CDC42SE2: variants seen among roughly 807,000 people sequenced by gnomAD.
CDC42SE2 encodes CDC42 small effector 2.
In CDC42SE2, 3 loss-of-function variants were observed where a neutral mutation model predicts 11.5. That is an observed-to-expected ratio of 0.26 (90% CI 0.12 to 0.67). CDC42SE2 has a LOEUF of 0.67. Ranked by LOEUF, CDC42SE2 falls within the 30% of genes least tolerant of loss-of-function variation. The pLI, the probability that CDC42SE2 is intolerant of heterozygous loss-of-function variation, is 0.80. For missense variants in CDC42SE2, 82 were observed against 106.8 expected, an observed-to-expected ratio of 0.77 and a Z score of 1.02; for synonymous variants, 33 against 34.8, an observed-to-expected ratio of 0.95 and a Z score of 0.18.
intron 2 of CDC42SE2, among the ~76,000 whole-genome samples, chr5:131,329,881 A>AAAAAAAAAC (rs1758381888): frequency 3.1e-5 from 1 of 32,210 alleles, no homozygotes; most frequent in Non-Finnish European, 4.3e-5. Context: ...CTCCATCTCA[A>AAAAAAAAAC]AAAAAAAAAA....
At chr5:131,291,765 C>G (rs539666070) in intron 1 of CDC42SE2, among the ~76,000 whole-genome samples, 1 of 152,216 alleles carries the variant, frequency 6.6e-6, no homozygotes, top group East Asian at 1.9e-4. Context: ...TTCAAAAATA[C>G]TGATATAACA....
At chr5:131,272,832 C>G (rs1317188858) in intron 1 of CDC42SE2, among the ~76,000 whole-genome samples, 1 of 152,128 alleles carries the variant, frequency 6.6e-6, no homozygotes, top group Non-Finnish European at 1.5e-5. Context: ...CATAACAGCT[C>G]TTTTTGAGAT....
upstream of CDC42SE2, among the ~76,000 whole-genome samples, chr5:131,242,067 A>G (rs1756544871): frequency 6.6e-6 from 1 of 152,204 alleles, no homozygotes; most frequent in African/African-American, 2.4e-5. Context: ...AAAGCCTGGT[A>G]TCTTATCAGA....
chr5:131,281,525 C>T (rs1051343232), intron 1 of CDC42SE2, among the ~76,000 whole-genome samples: 1 of 152,192 alleles, frequency 6.6e-6, no homozygotes, highest in East Asian at 1.9e-4. Context: ...TTATTCCATA[C>T]ATTTTGCTGT....
At chr5:131,278,724 CCCCCCT>C (rs1467775720) in intron 1 of CDC42SE2, among the ~76,000 whole-genome samples, 34 of 9,176 alleles carry the variant, frequency 3.7e-3, no homozygotes, top group Non-Finnish European at 5.5e-3. Context: ...CCCCTCCCCT[CCCCCCT>C]CCCCTCCCCT....
At chr5:131,232,202 T>A in the CDC42SE2 span, among the ~76,000 whole-genome samples, 1 of 151,782 alleles carries the variant, frequency 6.6e-6, no homozygotes, top group African/African-American at 2.4e-5. Context: ...CAGCCTTGAC[T>A]TCCCGAACTC....
chr5:131,350,197 T>A (rs1467324776), intron 2 of CDC42SE2, among the ~76,000 whole-genome samples: 1 of 152,074 alleles, frequency 6.6e-6, no homozygotes, highest in Non-Finnish European at 1.5e-5. Flanking sequence ...TTTAAACATT[T>A]CAACAAGAAA....
intron 1 of CDC42SE2, among the ~76,000 whole-genome samples, chr5:131,291,227 G>T (rs1043426662): frequency 7.9e-5 from 12 of 151,988 alleles, no homozygotes; most frequent in African/African-American, 2.9e-4. Context: ...ATGAATTTAT[G>T]TATATGATTT....
At chr5:131,278,882 T>A (rs1046051028) in intron 1 of CDC42SE2, among the ~76,000 whole-genome samples, 1 of 143,174 alleles carries the variant, frequency 7.0e-6, no homozygotes, top group Non-Finnish European at 1.5e-5. Context: ...CCTCCTAGGT[T>A]CAAGTGATTC....
rs376009858 is a variant in CDC42SE2, at chr5:131,394,358, C to T, written c.*3267C>T. On this transcript the variant is annotated 3_prime_UTR_variant, in exon 5 of 5. Transcript: ENST00000505065. ...AGTAAGCGTAGAGCGGAAATGTTGA[C>T]TTTAGTTAACATTGGGTTTAGCATT... is the stretch of plus-strand genomic sequence containing the variant. 3.4e-4 allele frequency: 52 copies of T among 152,424 alleles called. 1 individual carries two copies. Among genetic ancestry groups the T allele is most frequent in the East Asian group, 3.4e-3 (18 of 5,326 alleles). 9.4% of individuals were successfully genotyped at this position (152,424 alleles called of 1,614,324 possible). A position where few individuals can be genotyped will look rare whatever the true frequency, so the allele number is the denominator to read the frequency against.
intron 1 of CDC42SE2, among the ~76,000 whole-genome samples, chr5:131,303,675 G>A (rs553453920): frequency 1.3e-5 from 2 of 152,268 alleles, no homozygotes; most frequent in South Asian, 2.1e-4. Flanking sequence ...CCCTAAGGCA[G>A]GACATTCCAC....
chr5:131,282,211 A>G (rs1440481578), intron 1 of CDC42SE2, among the ~76,000 whole-genome samples: 2 of 152,236 alleles, frequency 1.3e-5, no homozygotes, highest in East Asian at 3.8e-4. Context: ...CAAAATTGTA[A>G]GAAAGTCCAT....
At chr5:131,297,101 G>A (rs1050826755) in intron 1 of CDC42SE2, among the ~76,000 whole-genome samples, 1 of 150,438 alleles carries the variant, frequency 6.6e-6, no homozygotes, top group Non-Finnish European at 1.5e-5. Flanking sequence ...GACATTTTTT[G>A]TGCTTTTTAT....
chr5:131,255,940 G>C (rs920231639), intron 2 of CDC42SE2, among the ~76,000 whole-genome samples: 2 of 152,050 alleles, frequency 1.3e-5, no homozygotes, highest in African/African-American at 4.8e-5. Context: ...GAGTAGACTG[G>C]GACTCAAATA....
At chr5:131,327,278 C>A (rs1234656400) in intron 2 of CDC42SE2, among the ~76,000 whole-genome samples, 2 of 152,150 alleles carry the variant, frequency 1.3e-5, no homozygotes, top group African/African-American at 4.8e-5. Flanking sequence ...GACAGATACT[C>A]TAGCATTCTC....
In CDC42SE2 at chr5:131,393,461, T is replaced by G. The variant is rs1355191351; in HGVS notation, c.*2370T>G. 6.6e-6 allele frequency: 1 copy of G among 152,372 alleles called. No homozygotes were observed. Among genetic ancestry groups the G allele is most frequent in the Non-Finnish European group, 1.5e-5 (1 of 68,048 alleles). The allele number at this position is 152,372 out of a possible 1,614,324, so 9.4% of individuals were successfully genotyped here. On this transcript the variant is annotated 3_prime_UTR_variant, in exon 5 of 5. Coordinates refer to ENST00000505065, the MANE Select transcript of CDC42SE2 (RefSeq NM_001375635.1). ...AACATTTGCATCTTCGGAGTAGACATTTTGCAGTTTGTTTAATAACAACTT... is the reference window on the plus strand; with the variant it reads ...AACATTTGCATCTTCGGAGTAGACAGTTTGCAGTTTGTTTAATAACAACTT...
intron 2 of CDC42SE2, among the ~76,000 whole-genome samples, chr5:131,333,626 A>G (rs1489259908): frequency 6.6e-6 from 1 of 152,070 alleles, no homozygotes; most frequent in Non-Finnish European, 1.5e-5. Flanking sequence ...ATTTGTTTGT[A>G]TCCTCTTTTA....
chr5:131,330,964 T>C (rs1159914384), intron 2 of CDC42SE2, among the ~76,000 whole-genome samples: 1 of 152,024 alleles, frequency 6.6e-6, no homozygotes, highest in East Asian at 1.9e-4. Flanking sequence ...AGGTCGAGGC[T>C]GCAGGGAGCC....
chr5:131,391,914 AAAG>A lies in CDC42SE2; in HGVS notation c.*827_*829del. ...GATTGCTTTTATTTTGAATTACAAA[AAAG>A]AAGTGTGATGGCACCTTGTCCACCC... On this transcript the variant is annotated 3_prime_UTR_variant, in exon 5 of 5. Coordinates refer to ENST00000505065, the MANE Select transcript of CDC42SE2 (RefSeq NM_001375635.1). 1.3e-5 allele frequency: 2 copies of A among 152,304 alleles called. No individual in the cohort carries two copies. Among genetic ancestry groups the A allele is most frequent in the South Asian group, 2.1e-4 (1 of 4,826 alleles). 9.4% of individuals were successfully genotyped at this position (152,304 alleles called of 1,614,324 possible).
Sources: allele counts gnomAD v4.1 joint callset (sites outside exome capture counted in the v4.1 genomes callset), GRCh38; gene constraint gnomAD v4.1.1; transcripts MANE v1.5; gene names NCBI Gene and HGNC (gene_info 2026-07-23, HGNC 2026-07-21).